Variants in LRP1B observed in about 807,000 individuals in gnomAD.
LRP1B encodes LDL receptor related protein 1B.
In LRP1B, 217 loss-of-function variants were observed where a neutral mutation model predicts 556.6. The ratio of observed to expected loss-of-function variants is 0.39; its 90% CI spans 0.35 to 0.44. The LOEUF is 0.44. Ranked by LOEUF, LRP1B falls within the 20% of genes least tolerant of loss-of-function variation. The pLI is 1.00. For missense variants in LRP1B, 5,053 were observed against 5,620.8 expected, an observed-to-expected ratio of 0.90 and a Z score of 3.23; for synonymous variants, 2,047 against 1,865.8, an observed-to-expected ratio of 1.10 and a Z score of -2.50.
chr2:141,996,713 T>TCCC (rs563245926), intron 1 of LRP1B, among the ~76,000 whole-genome samples: 3 of 145,642 alleles, frequency 2.1e-5, no homozygotes, highest in African/African-American at 7.7e-5. Context: ...ATTTTTTCTT[T>TCCC]CCCCCCCCCT....
chr2:140,358,586 C>T (rs1015887331), intron 73 of LRP1B, among the ~76,000 whole-genome samples: 7 of 151,476 alleles, frequency 4.6e-5, no homozygotes, highest in South Asian at 2.1e-4. Context: ...ATTGTTTCTC[C>T]GGGATGAATA....
intron 66 of LRP1B, among the ~76,000 whole-genome samples, chr2:140,428,848 T>C (rs539885103): frequency 6.6e-6 from 1 of 152,128 alleles, no homozygotes; most frequent in Non-Finnish European, 1.5e-5. Flanking sequence ...AGACAATACT[T>C]TTTTAAGCAC....
At chr2:140,261,014 G>A (rs1283706642) in intron 86 of LRP1B, among the ~76,000 whole-genome samples, 2 of 150,188 alleles carry the variant, frequency 1.3e-5, no homozygotes, top group East Asian at 3.9e-4. Context: ...CTGTTGATGA[G>A]TGGATATAAG....
At chr2:140,572,806 A>ATAAAATAAAATAAAATAAAC (rs1192828150) in intron 43 of LRP1B, among the ~76,000 whole-genome samples, 2 of 149,144 alleles carry the variant, frequency 1.3e-5, no homozygotes, top group East Asian at 3.9e-4. Context: ...ATAAAATAAA[A>ATAAAATAAAATAAAATAAAC]TAAAATAAAA....
chr2:142,084,120 C>T (rs377461924), intron 1 of LRP1B, among the ~76,000 whole-genome samples: 2 of 152,132 alleles, frequency 1.3e-5, no homozygotes, highest in South Asian at 4.2e-4. Flanking sequence ...ACTGGGACTA[C>T]AGGTGTGTTG....
intron 2 of LRP1B, among the ~76,000 whole-genome samples, chr2:141,574,263 A>G (rs746442370): frequency 1.8e-4 from 27 of 152,238 alleles, no homozygotes; most frequent in Non-Finnish European, 2.8e-4. Flanking sequence ...AATCAGCTTC[A>G]TCCCTGGGAT....
At chr2:141,331,739 AG>A (rs1183452115) in intron 3 of LRP1B, among the ~76,000 whole-genome samples, 1 of 152,118 alleles carries the variant, frequency 6.6e-6, no homozygotes, top group African/African-American at 2.4e-5. Context: ...GTCTTTGGAA[AG>A]GGAGATATTA....
intron 3 of LRP1B, among the ~76,000 whole-genome samples, chr2:141,337,782 C>T (rs1019584300): frequency 3.3e-5 from 5 of 152,070 alleles, no homozygotes; most frequent in African/African-American, 1.2e-4. Context: ...GAGTTTCTAG[C>T]TTTCTATTCA....
chr2:141,709,977 G>T (rs1692298169), intron 2 of LRP1B, among the ~76,000 whole-genome samples: 1 of 152,050 alleles, frequency 6.6e-6, no homozygotes, highest in African/African-American at 2.4e-5. Context: ...TCACATGGTT[G>T]AAGTACAAGG....
chr2:140,800,164 C>T (rs1007626969), intron 32 of LRP1B, among the ~76,000 whole-genome samples: 6 of 152,046 alleles, frequency 3.9e-5, no homozygotes, highest in East Asian at 1.9e-4. Flanking sequence ...TACCAAACAC[C>T]GCATGTTCTC....
intron 1 of LRP1B, among the ~76,000 whole-genome samples, chr2:142,054,926 CTA>C (rs1704607413): frequency 6.6e-6 from 1 of 152,070 alleles, no homozygotes; most frequent in Non-Finnish European, 1.5e-5. Flanking sequence ...TTAAGAAACA[CTA>C]TGTTTCACAT....
intron 9 of LRP1B, among the ~76,000 whole-genome samples, chr2:141,056,675 T>C (rs1699186721): frequency 6.6e-6 from 1 of 151,846 alleles, no homozygotes; most frequent in Admixed American, 6.6e-5. Context: ...CCAGTGTCCA[T>C]TATTTGGAAT....
At chr2:141,813,775 T>G (rs949606979) in intron 1 of LRP1B, among the ~76,000 whole-genome samples, 1 of 151,806 alleles carries the variant, frequency 6.6e-6, no homozygotes, top group African/African-American at 2.4e-5. Context: ...ATTCAGAGAG[T>G]TCTGGATTCT....
intron 84 of LRP1B, among the ~76,000 whole-genome samples, chr2:140,279,931 T>A (rs1682846960): frequency 6.6e-6 from 1 of 151,912 alleles, no homozygotes; most frequent in African/African-American, 2.4e-5. Flanking sequence ...ATACATATTT[T>A]CTTAAGTAAA....
chr2:140,413,940 C>T (rs1386802145), intron 66 of LRP1B, among the ~76,000 whole-genome samples: 2 of 152,062 alleles, frequency 1.3e-5, no homozygotes, highest in African/African-American at 2.4e-5. Flanking sequence ...TTTTCAAAGA[C>T]AGGGTCTCAT....
intron 2 of LRP1B, among the ~76,000 whole-genome samples, chr2:141,788,838 T>G (rs1695512734): frequency 6.6e-6 from 1 of 152,064 alleles, no homozygotes; most frequent in Non-Finnish European, 1.5e-5. Context: ...GGTTTCCAGC[T>G]TCATCCATGT....
At chr2:141,827,403 G>A (rs1421867632) in intron 1 of LRP1B, among the ~76,000 whole-genome samples, 1 of 152,124 alleles carries the variant, frequency 6.6e-6, no homozygotes, top group Non-Finnish European at 1.5e-5. Flanking sequence ...AATAGGAGGG[G>A]AAGTCAAAAT....
At chr2:141,173,067 A>T (rs1680577355) in intron 7 of LRP1B, among the ~76,000 whole-genome samples, 1 of 150,746 alleles carries the variant, frequency 6.6e-6, no homozygotes, top group Non-Finnish European at 1.5e-5. Flanking sequence ...AAAAAAAAAA[A>T]ACCCACACAC....
intron 2 of LRP1B, among the ~76,000 whole-genome samples, chr2:141,637,068 T>A (rs1689130398): frequency 6.6e-6 from 1 of 152,176 alleles, no homozygotes; most frequent in Non-Finnish European, 1.5e-5. Context: ...TATATTCATG[T>A]AAACACGTCT....
Sources: allele counts gnomAD v4.1 joint callset (sites outside exome capture counted in the v4.1 genomes callset), GRCh38; gene constraint gnomAD v4.1.1; transcripts MANE v1.5; gene names NCBI Gene and HGNC (gene_info 2026-07-23, HGNC 2026-07-21).